Variants in ANO9 observed in about 807,000 individuals in gnomAD.
The protein encoded by ANO9 is anoctamin-9.
A neutral mutation model predicts 100.5 loss-of-function variants in ANO9; 80 were observed. That is an observed-to-expected ratio of 0.80 (90% CI 0.66 to 0.96). The LOEUF is 0.96. Ranked by LOEUF, ANO9 falls within the 40% of genes least tolerant of loss-of-function variation. The pLI, the probability that ANO9 is intolerant of heterozygous loss-of-function variation, is 0.00. For missense variants in ANO9, 1,064 were observed against 1,072.7 expected (o/e 0.99, Z 0.11); for synonymous variants, 473 against 435.6 (o/e 1.09, Z -1.07).
chr11:428,306 C>G, intron 14 of ANO9, 52 bp downstream of exon 14: 1 of 1,610,618 alleles, frequency 6.2e-7, no homozygotes, highest in Non-Finnish European at 8.5e-7. Context: ...AAGGCCCCAG[C>G]CCTGAGTCCT....
Position 435,476 on chromosome 11 carries a change from A to G in ANO9, c.7-1378T>C, listed in dbSNP as rs188804508. Among the ~76,000 whole-genome samples, 22 of 146,762 alleles carry G rather than the reference A, an allele frequency of 1.5e-4. No individual in the cohort carries two copies. In the East Asian group the frequency reaches 4.3e-3, roughly 29 times the overall value. On this transcript the variant is annotated intron_variant, in intron 1 of 22. Coordinates refer to ENST00000332826, the MANE Select transcript of ANO9 (RefSeq NM_001012302.3). Reference sequence around the variant, plus strand: ...ATAGGATAGCATAGTATAGCATAGCATAACATAATACGGTATAGTCTAGTA... The same window carrying G: ...ATAGGATAGCATAGTATAGCATAGCGTAACATAATACGGTATAGTCTAGTA...
intron 1 of ANO9, among the ~76,000 whole-genome samples, chr11:438,328 G>A (rs542821449): frequency 1.1e-4 from 17 of 150,136 alleles, no homozygotes; most frequent in Non-Finnish European, 2.1e-4. Context: ...AGCCCCCGCC[G>A]ACACACACAG....
intron 1 of ANO9, among the ~76,000 whole-genome samples, chr11:441,601 C>A (rs1042982253): frequency 6.6e-6 from 1 of 152,114 alleles, no homozygotes; most frequent in Non-Finnish European, 1.5e-5. Context: ...CTCTCCATCT[C>A]GTGTTCAGGA....
At position 422,609 on chromosome 11, in the gene ANO9, G is replaced by GAAGCTGAA. The variant is rs1479941025; in HGVS notation, c.1335-1419_1335-1412dup. Reference sequence around the variant, plus strand: ...GGGAGGAGCAGCCGTGCACCAAGGAGAAGCTGAAAGTGAATTATCCCCTGG... The same window carrying GAAGCTGAA: ...GGGAGGAGCAGCCGTGCACCAAGGAGAAGCTGAAAAGCTGAAAGTGAATTATCCCCTGG... On this transcript the variant is annotated intron_variant, in intron 15 of 22. Coordinates refer to ENST00000332826, the MANE Select transcript of ANO9 (RefSeq NM_001012302.3). This position sits in a 1 kb window ranked among gnomAD's most constrained non-coding sequence, Gnocchi z 4.3. Among the ~76,000 whole-genome samples the GAAGCTGAA allele has an allele frequency of 6.6e-6, 1 of 152,170 alleles. No homozygotes were observed. The highest frequency in any genetic ancestry group is 1.5e-5 in the Non-Finnish European group (1 of 68,030).
intron 19 of ANO9, chr11:420,124 G>C: frequency 7.5e-7 from 1 of 1,330,764 alleles, no homozygotes; most frequent in Non-Finnish European, 9.6e-7. Context: ...CTCCCCTGCT[G>C]CCTGTCCGTC....
rs1475246252 is a variant in ANO9, at chr11:419,576, C to G, written c.1934+6G>C. 6.2e-7 allele frequency: 1 copy of G among 1,612,982 alleles called. No homozygotes were observed. The highest frequency in any genetic ancestry group is 1.7e-5 in the Admixed American group (1 of 59,984). ...CCAGGGGTCTCCAGACACCCTGAGG[C>G]CTTACTCGACAGTAGAGTTGCCTTC... On this transcript the variant is annotated splice_donor_region_variant and intron_variant, in intron 20 of 22. Transcript: ENST00000332826.
At position 422,109 on chromosome 11, in the gene ANO9, G is replaced by A. The variant is rs1176847773; in HGVS notation, c.1335-911C>T. Reference sequence around the variant, plus strand: ...CTTTTCCGTGTGCGGCAAAGCTGCGGGGAAACATGGCATGAGAAAGTATCG... The same window carrying A: ...CTTTTCCGTGTGCGGCAAAGCTGCGAGGAAACATGGCATGAGAAAGTATCG... On this transcript the variant is annotated intron_variant, in intron 15 of 22. Transcript: ENST00000332826. The surrounding 1 kb of genome is among the most constrained non-coding windows in gnomAD (Gnocchi z 4.3). Among the ~76,000 whole-genome samples, 1 of 152,148 alleles carries A rather than the reference G, an allele frequency of 6.6e-6. No individual in the cohort carries two copies. Among genetic ancestry groups the A allele is most frequent in the East Asian group, 1.9e-4 (1 of 5,194 alleles).
chr11:421,250 C>A lies in ANO9; in HGVS notation c.1335-52G>T. ...ACTGCGGGCAGCGCCCTGCCTCTGA[C>A]AGGGTGGGTGCAGCAGGACAGAAGC... On this transcript the variant is annotated intron_variant, in intron 15 of 22. Transcript: ENST00000332826. The surrounding 1 kb of genome is among the most constrained non-coding windows in gnomAD (Gnocchi z 6.8). 6.8e-7 allele frequency: 1 copy of A among 1,466,436 alleles called. No homozygotes were observed. Among genetic ancestry groups the A allele is most frequent in the Non-Finnish European group, 9.0e-7 (1 of 1,105,230 alleles). 90.8% of individuals were successfully genotyped at this position (1,466,436 alleles called of 1,614,324 possible). A position where few individuals can be genotyped will look rare whatever the true frequency, so the allele number is the denominator to read the frequency against.
At chr11:433,503 CG>C in intron 3 of ANO9, 44 bp from the exon 4 acceptor site, 1 of 1,590,562 alleles carries the variant, frequency 6.3e-7, no homozygotes, top group Non-Finnish European at 8.6e-7. Context: ...GAACCCTCCC[CG>C]CTCTATCCCG....
Position 421,162 on chromosome 11 carries a change from C to T in ANO9, c.1371G>A (p.Ala457=), listed in dbSNP as rs1158668909. The change falls in exon 16 of 23, where the codon GCG becomes GCA. Residue 457 remains alanine, a synonymous_variant. Coordinates refer to ENST00000332826, the MANE Select transcript of ANO9 (RefSeq NM_001012302.3). The surrounding 1 kb of genome is among the most constrained non-coding windows in gnomAD (Gnocchi z 6.8). ...NGHPGKSTRL[A]GLWKLEECHA... ...TGACCTCTTCCAGCTTCCACAAGCC[C>T]GCCAGGCGCGTGGACTTCCCGGGGT... 3 of 1,565,230 alleles carry T rather than the reference C, an allele frequency of 1.9e-6. No homozygotes were observed. Among genetic ancestry groups the T allele is most frequent in the East Asian group, 2.3e-5 (1 of 43,824 alleles).
intron 20 of ANO9, chr11:419,369 A>G: frequency 1.4e-6 from 2 of 1,415,108 alleles, no homozygotes; most frequent in Non-Finnish European, 9.2e-7. Context: ...TTCACCCCCA[A>G]CTGCGGTCCT....
chr11:420,260 A>G (rs1848091100), intron 19 of ANO9: 2 of 1,425,752 alleles, frequency 1.4e-6, no homozygotes, highest in African/African-American at 1.4e-5. Context: ...GGAGGAGCCT[A>G]CAAAGCGCTC....
In ANO9 at chr11:428,785, C is replaced by G; in HGVS notation, c.957G>C (p.Lys319Asn). The change falls in exon 12 of 23, where the codon AAG becomes AAC. Residue 319 changes from lysine (K) to asparagine (N), a missense_variant. Lys to Asn is a moderately conservative substitution (Grantham distance 94). Coordinates refer to ENST00000332826, the MANE Select transcript of ANO9 (RefSeq NM_001012302.3). The stretch of plus-strand genomic sequence containing the variant: ...GGTAGGAGTGCTGGTATGGCCGGAG[C>G]TTGTAGTCGGGGCAGTTAATGAGCT... ...ALQLINCPDYKLRPYQHSYLR... is the reference protein window; with the variant it reads ...ALQLINCPDYNLRPYQHSYLR... 1 of 1,613,354 alleles carries G rather than the reference C, an allele frequency of 6.2e-7. No homozygotes were observed. Among genetic ancestry groups the G allele is most frequent in the Non-Finnish European group, 8.5e-7 (1 of 1,179,952 alleles).
intron 1 of ANO9, among the ~76,000 whole-genome samples, chr11:436,985 G>GGGTGAGCGGGA (rs1849648702): frequency 1.0e-5 from 1 of 95,758 alleles, no homozygotes; most frequent in African/African-American, 4.5e-5. Flanking sequence ...GGTGAGCAGT[G>GGGTGAGCGGGA]GGTGAGCGGG....
At chr11:436,984 T>G (rs564826562) in intron 1 of ANO9, among the ~76,000 whole-genome samples, 49 of 24,382 alleles carry the variant, frequency 2.0e-3, no homozygotes, top group Admixed American at 4.1e-3. Context: ...GGGTGAGCAG[T>G]GGGTGAGCGG....
intron 11 of ANO9, 147 bp downstream of exon 11, chr11:429,423 C>T: frequency 6.8e-7 from 1 of 1,473,784 alleles, no homozygotes. Context: ...CACAGGTGGA[C>T]AGACCAGGAC....
chr11:429,861 G>T, intron 9 of ANO9, 43 bp from the exon 10 acceptor site: 1 of 1,534,320 alleles, frequency 6.5e-7, no homozygotes, highest in Non-Finnish European at 8.8e-7. Context: ...TGGGTGAGCT[G>T]GGGAGGGGGG....
chr11:420,318 C>T, intron 19 of ANO9, 145 bp downstream of exon 19: 3 of 1,458,900 alleles, frequency 2.1e-6, no homozygotes, highest in South Asian at 2.8e-5. Context: ...AACCCGCATC[C>T]GAGGCCGTCG....
chr11:435,913 G>GGTCTA (rs1564933254), intron 1 of ANO9, among the ~76,000 whole-genome samples: 1 of 149,250 alleles, frequency 6.7e-6, no homozygotes, highest in Non-Finnish European at 1.5e-5. Flanking sequence ...GGTCTAGTAT[G>GGTCTA]GTCTAGTCTA....
Sources: gnomAD v4.1 joint callset for allele counts (sites outside exome capture counted in the v4.1 genomes callset) on GRCh38, gnomAD v4.1.1 for gene constraint, Gnocchi (gnomAD v3.1) non-coding constraint, MANE v1.5 for transcripts, NCBI Gene and HGNC (gene_info 2026-07-23, HGNC 2026-07-21) for gene names.